GRIK3: variants seen among roughly 807,000 people sequenced by gnomAD.
The protein encoded by GRIK3 is glutamate ionotropic receptor kainate type subunit 3.
Under a neutral mutation model 102.5 loss-of-function variants are expected in GRIK3, and 29 were observed. The ratio of observed to expected loss-of-function variants is 0.28; its 90% CI spans 0.21 to 0.39. The LOEUF (loss-of-function observed/expected upper bound fraction) is 0.39, where lower values mean the gene tolerates loss of function less well. Ranked by LOEUF, GRIK3 falls within the 10% of genes least tolerant of loss-of-function variation. The pLI, the probability that GRIK3 is intolerant of heterozygous loss-of-function variation, is 1.00. For synonymous variants in GRIK3, 511 were observed against 504.9 expected, an observed-to-expected ratio of 1.01 and a Z score of -0.16; for missense variants, 908 against 1,252.4, an observed-to-expected ratio of 0.73 and a Z score of 4.15.
chr1:36,815,196 A>G (rs955310596), intron 13 of GRIK3, among the ~76,000 whole-genome samples: 1 of 152,202 alleles, frequency 6.6e-6, no homozygotes, highest in Non-Finnish European at 1.5e-5. Context: ...GTGACCTCTT[A>G]GGCAAGTCAA....
intron 1 of GRIK3, among the ~76,000 whole-genome samples, chr1:36,970,248 T>G (rs968047137): frequency 6.6e-6 from 1 of 152,204 alleles, no homozygotes; most frequent in African/African-American, 2.4e-5. Flanking sequence ...TCTCTGCTCC[T>G]GAAACTCCCT....
chr1:36,981,087 T>C (rs920639426), intron 1 of GRIK3, among the ~76,000 whole-genome samples: 12 of 152,238 alleles, frequency 7.9e-5, no homozygotes, highest in African/African-American at 2.9e-4. Context: ...ATTAAACAGA[T>C]GGAGAAACTG....
At chr1:36,919,924 C>T (rs1439390577) in intron 1 of GRIK3, among the ~76,000 whole-genome samples, 2 of 152,246 alleles carry the variant, frequency 1.3e-5, no homozygotes, top group Non-Finnish European at 2.9e-5. Context: ...GAGCCAGCTC[C>T]ATCCCTGCCA....
At chr1:36,968,220 CGT>C (rs66480824) in intron 1 of GRIK3, among the ~76,000 whole-genome samples, 46,829 of 140,700 alleles carry the variant, frequency 0.33, 8,761 homozygotes, top group East Asian at 0.64. Flanking sequence ...TCTCTCTCTC[CGT>C]GTGTGTGTGT....
At chr1:36,820,656 G>A (rs535553559) in intron 11 of GRIK3, among the ~76,000 whole-genome samples, 8 of 151,992 alleles carry the variant, frequency 5.3e-5, no homozygotes, top group Non-Finnish European at 8.8e-5. Context: ...ACCTTAAAAC[G>A]GAAAAAAAGC....
chr1:36,940,499 T>C (rs2124322908), intron 1 of GRIK3, among the ~76,000 whole-genome samples: 1 of 152,366 alleles, frequency 6.6e-6, no homozygotes, highest in African/African-American at 2.4e-5. Flanking sequence ...ATTTGGATGG[T>C]AAATATTCAT....
In GRIK3 at chr1:36,819,776, A is replaced by G; in HGVS notation, c.1833T>C (p.Leu611=). 6.2e-7 allele frequency: 1 copy of G among 1,605,834 alleles called. No homozygotes were observed. Among genetic ancestry groups the G allele is most frequent in the East Asian group, 2.2e-5 (1 of 44,834 alleles). ...SEVVENNFTL[L]NSFWFGMGSL... Reference sequence around the variant, plus strand: ...ATCCCATTCCAAACCAGAAGCTGTTAAGCAGAGTGAAGTTATTTTCCACCA... The same window carrying G: ...ATCCCATTCCAAACCAGAAGCTGTTGAGCAGAGTGAAGTTATTTTCCACCA... Residue 611 remains leucine, a synonymous_variant, in exon 12 of 16, where the codon CTT becomes CTC. Coordinates refer to ENST00000373091, the MANE Select transcript of GRIK3 (RefSeq NM_000831.4). The surrounding 1 kb of genome is among the most constrained non-coding windows in gnomAD (Gnocchi z 4.1).
At position 37,023,125 on chromosome 1, in the gene GRIK3, G is replaced by A. The variant is rs184584336; in HGVS notation, c.115+10869C>T. 5.9e-5 allele frequency among the ~76,000 whole-genome samples: 9 copies of A among 152,148 alleles called. No individual in the cohort carries two copies. The East Asian group carries it at 7.8e-4, about 13-fold the overall frequency. ...GGGCAGATCACGAGGTCAGGAGTTC[G>A]AGACCAGCCTGGCCAACATGGTGAA... is the stretch of plus-strand genomic sequence containing the variant. On this transcript the variant is annotated intron_variant, in intron 1 of 15. Transcript: ENST00000373091.
At chr1:36,817,339 C>T in intron 12 of GRIK3, 62 bp from the exon 13 acceptor site, 2 of 1,127,614 alleles carry the variant, frequency 1.8e-6, no homozygotes, top group East Asian at 2.4e-5. Flanking sequence ...GCTCAAGTCC[C>T]CTGGGTCATG....
intron 1 of GRIK3, among the ~76,000 whole-genome samples, chr1:36,905,434 G>A (rs1462347304): frequency 6.6e-6 from 1 of 150,586 alleles, no homozygotes; most frequent in Non-Finnish European, 1.5e-5. Context: ...GATTGCTCTT[G>A]CTTGGTGCTT....
intron 1 of GRIK3, among the ~76,000 whole-genome samples, chr1:36,919,779 T>C (rs1342506827): frequency 1.3e-5 from 2 of 152,190 alleles, no homozygotes; most frequent in Admixed American, 1.3e-4. Context: ...AGCCCTGCAG[T>C]GGAGGACTGG....
At chr1:36,826,901 C>T (rs1352529651) in intron 10 of GRIK3, among the ~76,000 whole-genome samples, 1 of 152,166 alleles carries the variant, frequency 6.6e-6, no homozygotes, top group East Asian at 1.9e-4. Flanking sequence ...CCCATCCCAT[C>T]TTTCCAGGAC....
Position 36,817,157 on chromosome 1 carries a change from C to A in GRIK3, c.1994G>T (p.Arg665Leu), listed in dbSNP as rs569239695. 1 of 1,614,034 alleles carries A rather than the reference C, an allele frequency of 6.2e-7. No individual in the cohort carries two copies. Among genetic ancestry groups the A allele is most frequent in the Non-Finnish European group, 8.5e-7 (1 of 1,179,956 alleles). Residue 665 changes from arginine to leucine, a missense_variant, in exon 13 of 16, where the codon CGC becomes CTC. By Grantham distance (102) the Arg-to-Leu change is moderately radical. Around this residue, in one of 3 missense-constraint regions of GRIK3, gnomAD observed 297 missense variants for 362.7 expected, o/e 0.82. Coordinates refer to ENST00000373091, the MANE Select transcript of GRIK3 (RefSeq NM_000831.4). Reference protein sequence around the residue: ...ANLAAFLTVERMESPIDSADD... With the variant: ...ANLAAFLTVELMESPIDSADD... ...AGCAGAGTCAATGGGTGATTCCATG[C>A]GCTCCACGGTCAGAAAGGCAGCCAG... is the stretch of plus-strand genomic sequence containing the variant.
Position 36,891,219 on chromosome 1 carries a change from G to C in GRIK3, c.116-123C>G, listed in dbSNP as rs112034658. 1.5e-3 allele frequency: 1,033 copies of C among 676,138 alleles called. 13 individuals are homozygous for C. In the African/African-American group the frequency reaches 0.017, roughly 11 times the overall value. The allele number at this position is 676,138 out of a possible 1,614,324, so 41.9% of individuals were successfully genotyped here. ...CCCTGAAATGTTCAATAATATCCTA[G>C]GTAACTGCCATACCTAGAAAGTGTG... On this transcript the variant is annotated intron_variant, in intron 1 of 15. Coordinates refer to ENST00000373091, the MANE Select transcript of GRIK3 (RefSeq NM_000831.4).
chr1:36,805,668 G>A (rs186196606), intron 14 of GRIK3, among the ~76,000 whole-genome samples: 2 of 152,284 alleles, frequency 1.3e-5, no homozygotes, highest in Admixed American at 6.5e-5. Context: ...CAGGTGCGGT[G>A]GCTCATGCCT....
intron 1 of GRIK3, among the ~76,000 whole-genome samples, chr1:37,000,881 A>T (rs1324400539): frequency 6.6e-6 from 1 of 152,196 alleles, no homozygotes; most frequent in Non-Finnish European, 1.5e-5. Flanking sequence ...AGCCCAAGGG[A>T]GTCTTTCATC....
chr1:36,997,929 AT>A (rs1642436942), intron 1 of GRIK3, among the ~76,000 whole-genome samples: 1 of 152,164 alleles, frequency 6.6e-6, no homozygotes, highest in African/African-American at 2.4e-5. Flanking sequence ...TTTCCTGGCC[AT>A]CTCTATCTCT....
At chr1:36,934,040 C>A (rs1461392974) in intron 1 of GRIK3, among the ~76,000 whole-genome samples, 1 of 152,194 alleles carries the variant, frequency 6.6e-6, no homozygotes. Flanking sequence ...AGGGCCTGAG[C>A]AGTAAGGTCA....
At chr1:37,003,086 T>C (rs1468332763) in intron 1 of GRIK3, among the ~76,000 whole-genome samples, 8 of 151,914 alleles carry the variant, frequency 5.3e-5, no homozygotes, top group Non-Finnish European at 1.2e-4. Flanking sequence ...AAGATACAGT[T>C]TCCCTTTTCC....
Sources: allele counts gnomAD v4.1 joint callset (sites outside exome capture counted in the v4.1 genomes callset), GRCh38; gene constraint gnomAD v4.1.1; regional missense constraint gnomAD v4.1.1; non-coding constraint Gnocchi (gnomAD v3.1); transcripts MANE v1.5; gene names NCBI Gene and HGNC (gene_info 2026-07-23, HGNC 2026-07-21).